The following ST6GAL1 variants were observed in gnomAD, a reference collection of about 807,000 sequenced individuals.
ST6GAL1 encodes beta-galactoside alpha-2,6-sialyltransferase 1.
ST6GAL1 carries 20 observed loss-of-function variants against 38.0 expected under a neutral mutation model. That is an observed-to-expected ratio of 0.53 (90% CI 0.37 to 0.77). The LOEUF is 0.77. ST6GAL1 is among the 30% of genes least tolerant of loss of function. ST6GAL1 has a pLI of 0.00. For missense variants in ST6GAL1, 432 were observed against 496.4 expected (o/e 0.87, Z 1.23); for synonymous variants, 196 against 188.2 (o/e 1.04, Z -0.34).
intron 2 of ST6GAL1, among the ~76,000 whole-genome samples, chr3:186,993,078 TG>T (rs1716232177): frequency 6.6e-6 from 1 of 152,154 alleles, no homozygotes; most frequent in South Asian, 2.1e-4. Flanking sequence ...GCCATAGCTG[TG>T]GGCTGCAACT....
intron 1 of ST6GAL1, among the ~76,000 whole-genome samples, chr3:186,950,072 G>A (rs1714525013): frequency 6.6e-6 from 1 of 152,214 alleles, no homozygotes. Flanking sequence ...AGGAGAGCCA[G>A]GCCTGTGGAA....
intron 2 of ST6GAL1, among the ~76,000 whole-genome samples, chr3:186,971,392 C>G (rs780345765): frequency 6.6e-6 from 1 of 152,212 alleles, no homozygotes; most frequent in Non-Finnish European, 1.5e-5. Context: ...GCCACTGTGC[C>G]CCCCCAACGT....
At chr3:186,993,055 CCT>C (rs1453310854) in intron 2 of ST6GAL1, among the ~76,000 whole-genome samples, 5 of 152,056 alleles carry the variant, frequency 3.3e-5, no homozygotes, top group Non-Finnish European at 7.4e-5. Flanking sequence ...TCACTCCCCT[CCT>C]CTGTCTCCTG....
rs113986751 is a variant in ST6GAL1, at chr3:186,970,333, G to T, written c.-183+6407G>T. ...AGGTTCAAGCAGTTCTCCTGCCTCA[G>T]CCTCCCAAGTAGCTGGGTTTACAGG... is the stretch of plus-strand genomic sequence containing the variant. On this transcript the variant is annotated intron_variant, in intron 2 of 7. Transcript: ENST00000169298. 6.4e-3 allele frequency among the ~76,000 whole-genome samples: 955 copies of T among 150,382 alleles called. 11 individuals carry two copies. The highest frequency in any genetic ancestry group is 0.022 in the African/African-American group (912 of 40,934).
chr3:186,977,147 C>T (rs1715546253), intron 2 of ST6GAL1, among the ~76,000 whole-genome samples: 1 of 152,212 alleles, frequency 6.6e-6, no homozygotes, highest in South Asian at 2.1e-4. Flanking sequence ...GGACTTCTTT[C>T]TGTCTGCTTC....
intron 1 of ST6GAL1, among the ~76,000 whole-genome samples, chr3:186,949,531 T>A (rs1714506218): frequency 6.6e-6 from 1 of 152,154 alleles, no homozygotes; most frequent in African/African-American, 2.4e-5. Context: ...GGGAAAAAAC[T>A]GGCCAGGAGG....
intron 2 of ST6GAL1, among the ~76,000 whole-genome samples, chr3:186,969,344 C>T (rs113590649): frequency 0.015 from 2,351 of 152,258 alleles, 54 homozygotes; most frequent in African/African-American, 0.054. Flanking sequence ...TGAGCCACAG[C>T]GCGCAGCCCA....
At chr3:186,937,696 T>C (rs747708550) in intron 1 of ST6GAL1, among the ~76,000 whole-genome samples, 18 of 152,080 alleles carry the variant, frequency 1.2e-4, no homozygotes, top group Non-Finnish European at 2.2e-4. Flanking sequence ...ACTGGAGCAG[T>C]GGGAATGGCC....
At chr3:186,963,382 T>A (rs1368801328) in intron 1 of ST6GAL1, among the ~76,000 whole-genome samples, 2 of 152,132 alleles carry the variant, frequency 1.3e-5, no homozygotes, top group Non-Finnish European at 2.9e-5. Flanking sequence ...GAATTCACAT[T>A]TGTAACAGCA....
chr3:187,041,994 C>T (rs1362520279), intron 3 of ST6GAL1: 1 of 147,010 alleles, frequency 6.8e-6, no homozygotes, highest in Non-Finnish European at 1.5e-5. Flanking sequence ...CTCAGCAGTG[C>T]TCTTCTTGCA....
intron 2 of ST6GAL1, among the ~76,000 whole-genome samples, chr3:187,036,023 A>G (rs1717918709): frequency 6.6e-6 from 1 of 152,270 alleles, no homozygotes; most frequent in Admixed American, 6.5e-5. Flanking sequence ...AAGATCTAAT[A>G]TCCAGAATCT....
intron 4 of ST6GAL1, among the ~76,000 whole-genome samples, chr3:187,049,284 A>G (rs1244282752): frequency 6.6e-6 from 1 of 152,150 alleles, no homozygotes; most frequent in Non-Finnish European, 1.5e-5. Flanking sequence ...ATTAAAGCTG[A>G]GAAGAAGACT....
intron 2 of ST6GAL1, among the ~76,000 whole-genome samples, chr3:187,032,312 ATGTT>A (rs1717781016): frequency 6.6e-6 from 1 of 152,136 alleles, no homozygotes; most frequent in South Asian, 2.1e-4. Context: ...AAAAAGTTTC[ATGTT>A]CTGGCTGCCA....
At position 187,043,165 on chromosome 3, in the gene ST6GAL1, G is replaced by A. The variant is rs1718186003; in HGVS notation, c.462G>A (p.Glu154=). The stretch of plus-strand genomic sequence containing the variant: ...ACCATGTGAATGTATCCATGGTAGA[G>A]GTCACAGATTTTCCCTTCAATACCT... ...LRDHVNVSMV[E]VTDFPFNTSE... Residue 154 remains glutamate (E), a synonymous_variant, in exon 4 of 8, where the codon GAG becomes GAA. Coordinates refer to ENST00000169298, the MANE Select transcript of ST6GAL1 (RefSeq NM_173216.2). 1.2e-6 allele frequency: 2 copies of A among 1,614,244 alleles called. No individual in the cohort carries two copies. The highest frequency in any genetic ancestry group is 4.5e-5 in the East Asian group (2 of 44,890).
intron 2 of ST6GAL1, among the ~76,000 whole-genome samples, chr3:187,031,655 G>C (rs570753772): frequency 6.6e-6 from 1 of 152,048 alleles, no homozygotes; most frequent in East Asian, 1.9e-4. Context: ...GGCTGGTCAC[G>C]GGCTTCTGAC....
chr3:186,973,989 A>C (rs148166651), intron 2 of ST6GAL1, among the ~76,000 whole-genome samples: 78 of 152,296 alleles, frequency 5.1e-4, no homozygotes, highest in Non-Finnish European at 9.3e-4. Flanking sequence ...AACACAATCA[A>C]ATGTGAAACC....
chr3:186,958,250 G>T (rs1714811220), intron 1 of ST6GAL1, among the ~76,000 whole-genome samples: 1 of 152,076 alleles, frequency 6.6e-6, no homozygotes, highest in Non-Finnish European at 1.5e-5. Context: ...CACCACACAT[G>T]GCTCAGCTAT....
At chr3:187,012,396 A>T (rs1716985071) in intron 2 of ST6GAL1, among the ~76,000 whole-genome samples, 3 of 151,930 alleles carry the variant, frequency 2.0e-5, no homozygotes, top group Admixed American at 2.0e-4. Flanking sequence ...TAGCTGGGAT[A>T]ACAGGCGTGC....
At chr3:187,050,865 T>C (rs909027196) in intron 4 of ST6GAL1, among the ~76,000 whole-genome samples, 1 of 152,228 alleles carries the variant, frequency 6.6e-6, no homozygotes, top group Admixed American at 6.5e-5. Flanking sequence ...CTGACAGAGA[T>C]AGAAATATAA....
Sources: allele counts gnomAD v4.1 joint callset (sites outside exome capture counted in the v4.1 genomes callset), GRCh38; gene constraint gnomAD v4.1.1; transcripts MANE v1.5; gene names NCBI Gene and HGNC (gene_info 2026-07-23, HGNC 2026-07-21).